The following BAHCC1 variants were observed in gnomAD, a reference collection of about 807,000 sequenced individuals.
BAHCC1 encodes BAH domain and coiled-coil containing 1.
BAHCC1 carries 43 observed loss-of-function variants against 88.2 expected under a neutral mutation model. That is an observed-to-expected ratio of 0.49 (90% CI 0.38 to 0.63). The LOEUF (loss-of-function observed/expected upper bound fraction) is 0.63. Among genes scored for constraint, BAHCC1 ranks in the 20% least tolerant of loss-of-function variants. BAHCC1 has a pLI of 0.00. For missense variants in BAHCC1, 3,023 were observed against 1,654.8 expected (o/e 1.83, Z -14.34); for synonymous variants, 1,510 against 745.5 (o/e 2.03, Z -16.71).
intron 2 of BAHCC1, among the ~76,000 whole-genome samples, chr17:81,417,773 G>A (rs573571875): frequency 2.6e-5 from 4 of 152,256 alleles, no homozygotes; most frequent in South Asian, 2.1e-4. Context: ...CTGGGCCAGC[G>A]CAGGCTTCTG....
Position 81,436,120 on chromosome 17 carries a change from C to T in BAHCC1, c.359-2250C>T, listed in dbSNP as rs1300000067. Among the ~76,000 whole-genome samples the T allele has an allele frequency of 4.6e-5, 7 of 152,062 alleles. No individual in the cohort carries two copies. The East Asian group carries it at 1.4e-3, about 29-fold the overall frequency. On this transcript the variant is annotated intron_variant, in intron 3 of 27. Transcript: ENST00000675386. The stretch of plus-strand genomic sequence containing the variant: ...CTCCCCGCCCCTCCATCCCATCTCC[C>T]CACTCCCTCCTCCTTCCCTGGCTCC...
chr17:81,458,854 C>T lies in BAHCC1; in HGVS notation c.5490C>T (p.Ala1830=), dbSNP rs200801069. Residue 1830 remains alanine (A), a synonymous_variant, in exon 20 of 28, where the codon GCC becomes GCT. Transcript: ENST00000675386. ...TGAGCCGCCTGCTGGAAAGCTTCGC[C>T]GTGGAGGAAGACTTTGAGTTCGACG... ...RAVSRLLESF[A]VEEDFEFDDN... is the part of the protein sequence containing the mutation. 18 of 771,456 alleles carry T rather than the reference C, an allele frequency of 2.3e-5. No homozygotes were observed. Among genetic ancestry groups the T allele is most frequent in the Admixed American group, 8.5e-5 (5 of 58,678 alleles). The allele number at this position is 771,456 out of a possible 1,614,324, so 47.8% of individuals were successfully genotyped here.
chr17:81,418,810 C>CGTGTGTGTACGTGTGTGTGT (rs2064074651), intron 2 of BAHCC1, among the ~76,000 whole-genome samples: 5 of 146,332 alleles, frequency 3.4e-5, no homozygotes, highest in Non-Finnish European at 7.5e-5. Flanking sequence ...TGTGTGTGTA[C>CGTGTGTGTACGTGTGTGTGT]GTGTGTGTGT....
intron 2 of BAHCC1, chr17:81,415,444 A>G (rs782519460): frequency 4.9e-5 from 22 of 450,934 alleles, no homozygotes; most frequent in South Asian, 3.6e-4. Flanking sequence ...TGGAAGGGTA[A>G]CGCGAGCGCG....
chr17:81,397,539 C>G (rs1395794446), intron 1 of BAHCC1, among the ~76,000 whole-genome samples: 1 of 152,128 alleles, frequency 6.6e-6, no homozygotes, highest in Non-Finnish European at 1.5e-5. Flanking sequence ...GGTTTCTGAC[C>G]TCCCTCCCTT....
intron 11 of BAHCC1, among the ~76,000 whole-genome samples, chr17:81,449,855 T>C (rs1460965783): frequency 1.3e-5 from 2 of 152,116 alleles, no homozygotes; most frequent in East Asian, 3.9e-4. Flanking sequence ...GATCAACCCT[T>C]GGTCTGGGCT....
rs1555652927 is a variant in BAHCC1, at chr17:81,442,716, G to A, written c.1367G>A (p.Gly456Asp). 2 of 775,686 alleles carry A rather than the reference G, an allele frequency of 2.6e-6. No homozygotes were observed. Among genetic ancestry groups the A allele is most frequent in the Non-Finnish European group, 4.8e-6 (2 of 416,416 alleles). 48.1% of individuals were successfully genotyped at this position (775,686 alleles called of 1,614,324 possible). A position where few individuals can be genotyped will look rare whatever the true frequency, so the allele number is the denominator to read the frequency against. The part of the protein sequence containing the change: ...AEGKGERRPG[G>D]FEAALNPRLK... ...GGCAAGGGCGAGCGGCGGCCTGGGG[G>A]CTTTGAGGCGGCCCTCAACCCCCGG... The change falls in exon 5 of 28, where the codon GGC (glycine) becomes GAC (aspartate). Residue 456 changes from glycine (G) to aspartate (D), a missense_variant. Transcript: ENST00000675386.
rs782373189 is a variant in BAHCC1 at position 81,442,995 on chromosome 17, A to G, written c.1646A>G (p.His549Arg). 1.3e-6 allele frequency: 1 copy of G among 778,864 alleles called. No individual in the cohort carries two copies. The highest frequency in any genetic ancestry group is 2.4e-5 in the East Asian group (1 of 41,216). The allele number at this position is 778,864 out of a possible 1,614,324, so 48.2% of individuals were successfully genotyped here. A position where few individuals can be genotyped will look rare whatever the true frequency, so the allele number is the denominator to read the frequency against. ...GTGGCCCGCATCAGGCACCAGCAGCACTTGATGGCCGCCGAGGTGGAGCAG... is the reference window on the plus strand; with the variant it reads ...GTGGCCCGCATCAGGCACCAGCAGCGCTTGATGGCCGCCGAGGTGGAGCAG... ...QKVARIRHQQHLMAAEVEQGG... is the reference protein window; with the variant it reads ...QKVARIRHQQRLMAAEVEQGG... The change falls in exon 5 of 28, where the codon CAC becomes CGC. Residue 549 changes from histidine to arginine, a missense_variant. Physicochemically the swap from His to Arg is conservative, Grantham distance 29. Transcript: ENST00000675386.
chr17:81,407,951 C>T (rs2063901591), intron 2 of BAHCC1, among the ~76,000 whole-genome samples: 1 of 152,198 alleles, frequency 6.6e-6, no homozygotes, highest in Admixed American at 6.5e-5. Flanking sequence ...CTGTCTGCCC[C>T]CTACGTCCTC....
rs139721124 is a variant in BAHCC1, at chr17:81,407,265, G to A, written c.178+7348G>A. On this transcript the variant is annotated intron_variant, in intron 2 of 27. Transcript: ENST00000675386. Reference sequence around the variant, plus strand: ...AGCAGCAGGCTGGGCTCCCTGAAGCGGAGGGTGACATTGGGGGGCAGTGCC... The same window carrying A: ...AGCAGCAGGCTGGGCTCCCTGAAGCAGAGGGTGACATTGGGGGGCAGTGCC... 4.6e-3 allele frequency: 2,304 copies of A among 505,510 alleles called. 5 individuals carry two copies. Among genetic ancestry groups the A allele is most frequent in the Non-Finnish European group, 5.9e-3 (1,474 of 250,460 alleles). The allele number at this position is 505,510 out of a possible 1,614,324, so 31.3% of individuals were successfully genotyped here.
Position 81,399,800 on chromosome 17 carries a change from C to G in BAHCC1, c.61C>G (p.His21Asp). The stretch of plus-strand genomic sequence containing the variant: ...GCTGTCGGAGCGCGGGAGCCTGGGC[C>G]ACCGCAGCGCCGCTGCCGCCGCGCG... ...HLLSERGSLG[H>D]RSAAAAARLA... is the part of the protein sequence containing the mutation. The change falls in exon 2 of 28, where the codon CAC becomes GAC. Residue 21 changes from histidine (H) to aspartate (D), a missense_variant. His to Asp is a moderately conservative substitution (Grantham distance 81, BLOSUM62 -1). Transcript: ENST00000675386. This position sits in a 1 kb window ranked among gnomAD's most constrained non-coding sequence, Gnocchi z 4.5. The G allele has an allele frequency of 2.4e-6, 3 of 1,271,080 alleles. No homozygotes were observed. The highest frequency in any genetic ancestry group is 3.0e-6 in the Non-Finnish European group (3 of 1,011,544). 78.7% of individuals were successfully genotyped at this position (1,271,080 alleles called of 1,614,324 possible).
chr17:81,399,150 T>TGTGTGTGG lies in BAHCC1; in HGVS notation c.-206-381_-206-380insTGTGGGTG, dbSNP rs1567989390. On this transcript the variant is annotated intron_variant, in intron 1 of 27. Coordinates refer to ENST00000675386, the MANE Select transcript of BAHCC1 (RefSeq NM_001377448.1). The surrounding 1 kb of genome is among the most constrained non-coding windows in gnomAD (Gnocchi z 4.5). ...GTGAGTGTGTGTGTGTGTGTGTGTG[T>TGTGTGTGG]GTGCGAGTGTGCGTGATGGCTTCGC... 1 of 380,638 alleles carries TGTGTGTGG rather than the reference T, an allele frequency of 2.6e-6. No individual in the cohort carries two copies. The highest frequency in any genetic ancestry group is 2.4e-5 in the African/African-American group (1 of 42,344). 23.6% of individuals were successfully genotyped at this position (380,638 alleles called of 1,614,324 possible).
chr17:81,441,637 G>A (rs1199642544), intron 4 of BAHCC1, among the ~76,000 whole-genome samples, 194 bp from the exon 5 acceptor site: 2 of 148,476 alleles, frequency 1.3e-5, no homozygotes, highest in East Asian at 3.9e-4. Context: ...ACTGCAGCCT[G>A]GGCGACAGAG....
intron 26 of BAHCC1, 123 bp from the exon 27 acceptor site, chr17:81,462,617 G>T: frequency 1.6e-6 from 1 of 616,668 alleles, no homozygotes; most frequent in Non-Finnish European, 2.9e-6. Flanking sequence ...CCTTGTGGGC[G>T]CCCTGCACAC....
Position 81,443,895 on chromosome 17 carries a change from G to A in BAHCC1, c.2302G>A (p.Ala768Thr). The A allele has an allele frequency of 1.4e-6, 1 of 712,540 alleles. No homozygotes were observed. 44.1% of individuals were successfully genotyped at this position (712,540 alleles called of 1,614,324 possible). A position where few individuals can be genotyped will look rare whatever the true frequency, so the allele number is the denominator to read the frequency against. Reference sequence around the variant, plus strand: ...GCTATGTGATGACCGCCTGGGGCTTGCCAGCCGCGAGCTGCTGCTGCAGTG... The same window carrying A: ...GCTATGTGATGACCGCCTGGGGCTTACCAGCCGCGAGCTGCTGCTGCAGTG... ...TRLCDDRLGLASRELLLQDSK... is the reference protein window; with the variant it reads ...TRLCDDRLGLTSRELLLQDSK... Residue 768 changes from alanine to threonine, a missense_variant, in exon 6 of 28, where the codon GCC (alanine) becomes ACC (threonine). Ala to Thr is a moderately conservative substitution (Grantham distance 58). Transcript: ENST00000675386.
rs782659884 is a variant in BAHCC1, at chr17:81,445,661, ACAT to A, written c.3149_3151del (p.Ile1050del). The A allele has an allele frequency of 4.1e-6, 3 of 730,466 alleles. No individual in the cohort carries two copies. The highest frequency in any genetic ancestry group is 7.6e-6 in the Non-Finnish European group (3 of 393,132). The allele number at this position is 730,466 out of a possible 1,614,324, so 45.2% of individuals were successfully genotyped here. A position where few individuals can be genotyped will look rare whatever the true frequency, so the allele number is the denominator to read the frequency against. On this transcript the variant is annotated inframe_deletion, in exon 10 of 28. Coordinates refer to ENST00000675386, the MANE Select transcript of BAHCC1 (RefSeq NM_001377448.1). ...GGGGAGGGTCAGCAGTCCACGGCCG[ACAT>A]CATCACATCCGAACCAGGTGAGAGT... is the stretch of plus-strand genomic sequence containing the variant.
intron 13 of BAHCC1, among the ~76,000 whole-genome samples, 153 bp from the exon 14 acceptor site, chr17:81,452,570 C>T (rs2064661165): frequency 6.6e-6 from 1 of 152,116 alleles, no homozygotes; most frequent in Middle Eastern, 3.4e-3. Context: ...GCTGGCCTTG[C>T]CCTCTGCGTG....
At chr17:81,416,509 G>T (rs1420638887) in intron 2 of BAHCC1, among the ~76,000 whole-genome samples, 1 of 149,764 alleles carries the variant, frequency 6.7e-6, no homozygotes, top group African/African-American at 2.5e-5. Context: ...GCATGTGTGC[G>T]TGTGTGTCCA....
intron 1 of BAHCC1, 33 bp downstream of exon 1, chr17:81,395,668 T>TC (rs2063739390): frequency 6.6e-6 from 1 of 151,698 alleles, no homozygotes; most frequent in African/African-American, 2.4e-5. Context: ...ATTTTTTTTT[T>TC]GTTTTTGTAT....
Sources: gnomAD v4.1 joint callset for allele counts (sites outside exome capture counted in the v4.1 genomes callset) on GRCh38, gnomAD v4.1.1 for gene constraint, Gnocchi (gnomAD v3.1) non-coding constraint, MANE v1.5 for transcripts, NCBI Gene and HGNC (gene_info 2026-07-23, HGNC 2026-07-21) for gene names.